THSD7A: variants seen among roughly 807,000 people sequenced by gnomAD.
THSD7A encodes the protein thrombospondin type 1 domain containing 7A, also known as thrombospondin type-1 domain-containing protein 7A.
A neutral mutation model predicts 231.3 loss-of-function variants in THSD7A; 96 were observed. The ratio of observed to expected loss-of-function variants is 0.41; its 90% CI spans 0.35 to 0.49. The LOEUF is 0.49. Among genes scored for constraint, THSD7A ranks in the 20% least tolerant of loss-of-function variants. The pLI is 0.05. For missense variants in THSD7A, 2,290 were observed against 2,070.2 expected (o/e 1.11, Z -2.06); for synonymous variants, 940 against 743.3 (o/e 1.26, Z -4.30).
chr7:11,420,919 C>A (rs1562596248), intron 16 of THSD7A, among the ~76,000 whole-genome samples: 1 of 152,100 alleles, frequency 6.6e-6, no homozygotes, highest in East Asian at 1.9e-4. Context: ...GGGTTTTGGA[C>A]TTGCATGGGG....
intron 4 of THSD7A, among the ~76,000 whole-genome samples, chr7:11,579,175 G>A (rs940587390): frequency 1.3e-5 from 2 of 152,054 alleles, no homozygotes; most frequent in Non-Finnish European, 2.9e-5. Flanking sequence ...ATTCTCCTTG[G>A]TTTATTTCCC....
At chr7:11,753,763 A>C (rs1782583809) in intron 1 of THSD7A, among the ~76,000 whole-genome samples, 1 of 151,974 alleles carries the variant, frequency 6.6e-6, no homozygotes, top group African/African-American at 2.4e-5. Flanking sequence ...CCTAGCACAA[A>C]CAATGCAATG....
chr7:11,591,066 C>T (rs1398952741), intron 3 of THSD7A, among the ~76,000 whole-genome samples: 1 of 151,968 alleles, frequency 6.6e-6, no homozygotes, highest in Non-Finnish European at 1.5e-5. Flanking sequence ...TAAATGAAAA[C>T]TGCACAGTGT....
At chr7:11,397,618 C>A (rs548391967) in intron 23 of THSD7A, among the ~76,000 whole-genome samples, 1 of 152,304 alleles carries the variant, frequency 6.6e-6, no homozygotes, top group East Asian at 1.9e-4. Context: ...AGTGAACAGG[C>A]AACCTGCTGA....
chr7:11,688,280 T>A (rs1281880171), intron 1 of THSD7A, among the ~76,000 whole-genome samples: 1 of 151,830 alleles, frequency 6.6e-6, no homozygotes, highest in Non-Finnish European at 1.5e-5. Flanking sequence ...TGTATATATG[T>A]GCCACATTCT....
chr7:11,561,424 A>G (rs1310681466), intron 4 of THSD7A, among the ~76,000 whole-genome samples: 1 of 152,180 alleles, frequency 6.6e-6, no homozygotes, highest in Non-Finnish European at 1.5e-5. Context: ...CTAGATACCA[A>G]TAACTACCTG....
intron 6 of THSD7A, among the ~76,000 whole-genome samples, chr7:11,492,245 C>T (rs1282141869): frequency 6.6e-6 from 1 of 151,974 alleles, no homozygotes; most frequent in African/African-American, 2.4e-5. Context: ...AAGGACTAGG[C>T]TAAAAACCAA....
At chr7:11,680,141 T>C (rs144813515) in intron 1 of THSD7A, among the ~76,000 whole-genome samples, 1 of 151,544 alleles carries the variant, frequency 6.6e-6, no homozygotes, top group African/African-American at 2.4e-5. Context: ...GAAAACTGGC[T>C]AGCCATATGC....
At chr7:11,437,570 T>C (rs1221605058) in intron 13 of THSD7A, among the ~76,000 whole-genome samples, 1 of 152,080 alleles carries the variant, frequency 6.6e-6, no homozygotes, top group Non-Finnish European at 1.5e-5. Flanking sequence ...TGCTATCAAA[T>C]GAGACACTGA....
intron 22 of THSD7A, among the ~76,000 whole-genome samples, chr7:11,404,233 A>G (rs758026526): frequency 1.3e-5 from 2 of 152,204 alleles, no homozygotes; most frequent in East Asian, 1.9e-4. Flanking sequence ...TCTGCACTGT[A>G]TCTCTGGCCT....
At chr7:11,543,912 G>T in intron 4 of THSD7A, among the ~76,000 whole-genome samples, 1 of 152,034 alleles carries the variant, frequency 6.6e-6, no homozygotes, top group East Asian at 1.9e-4. Flanking sequence ...AACTAAAAAT[G>T]ACTAAGTGAT....
intron 6 of THSD7A, among the ~76,000 whole-genome samples, chr7:11,500,138 A>G (rs1787270831): frequency 6.6e-6 from 1 of 152,190 alleles, no homozygotes; most frequent in South Asian, 2.1e-4. Context: ...GAAACTCTAT[A>G]AGCCAGAAGA....
chr7:11,822,529 G>C (rs1416945757), intron 1 of THSD7A, among the ~76,000 whole-genome samples: 1 of 151,968 alleles, frequency 6.6e-6, no homozygotes, highest in East Asian at 1.9e-4. Flanking sequence ...GGTGTCTTTT[G>C]ATATATTGAC....
chr7:11,651,917 T>C (rs527921481), intron 1 of THSD7A, among the ~76,000 whole-genome samples: 42 of 152,064 alleles, frequency 2.8e-4, no homozygotes, highest in African/African-American at 4.1e-4. Context: ...AACTGCAATA[T>C]AGTTTTAGCC....
chr7:11,414,817 G>A (rs900510978), intron 17 of THSD7A, among the ~76,000 whole-genome samples: 6 of 152,186 alleles, frequency 3.9e-5, no homozygotes, highest in Non-Finnish European at 7.3e-5. Flanking sequence ...TTGACATAAT[G>A]TGTATTATAT....
At chr7:11,555,738 A>G (rs181511420) in intron 4 of THSD7A, among the ~76,000 whole-genome samples, 30 of 150,550 alleles carry the variant, frequency 2.0e-4, no homozygotes, top group African/African-American at 7.1e-4. Flanking sequence ...TTTTGTTCAT[A>G]TATTTTGCAG....
At chr7:11,531,521 T>C (rs1314781312) in intron 6 of THSD7A, among the ~76,000 whole-genome samples, 1 of 152,176 alleles carries the variant, frequency 6.6e-6, no homozygotes, top group Non-Finnish European at 1.5e-5. Flanking sequence ...GTTCCTCAAA[T>C]AGTCCAAGCA....
Position 11,446,248 on chromosome 7 carries a change from G to C in THSD7A, c.2877C>G (p.Asp959Glu), listed in dbSNP as rs200933206. 10 of 1,613,384 alleles carry C rather than the reference G, an allele frequency of 6.2e-6. No individual in the cohort carries two copies. The highest frequency in any genetic ancestry group is 6.8e-6 in the Non-Finnish European group (8 of 1,179,562). Residue 959 changes from aspartate (D) to glutamate (E), a missense_variant, in exon 13 of 28, where the codon GAC becomes GAG. Coordinates refer to ENST00000423059, the MANE Select transcript of THSD7A (RefSeq NM_015204.3). The surrounding 1 kb of genome is among the most constrained non-coding windows in gnomAD (Gnocchi z 4.0). ...PLIETQYCPC[D>E]KYNAQPVGNW... Reference sequence around the variant, plus strand: ...TCCCCACAGGTTGTGCATTATATTTGTCACAAGGACAATACTGAGTCTCAA... The same window carrying C: ...TCCCCACAGGTTGTGCATTATATTTCTCACAAGGACAATACTGAGTCTCAA...
chr7:11,789,163 T>C (rs1490753748), intron 1 of THSD7A, among the ~76,000 whole-genome samples: 1 of 151,846 alleles, frequency 6.6e-6, no homozygotes, highest in East Asian at 1.9e-4. Flanking sequence ...GCAGAAGGAA[T>C]TGCAAAGTGG....
Sources: gnomAD v4.1 joint callset for allele counts (sites outside exome capture counted in the v4.1 genomes callset) on GRCh38, gnomAD v4.1.1 for gene constraint, Gnocchi (gnomAD v3.1) non-coding constraint, MANE v1.5 for transcripts, NCBI Gene and HGNC (gene_info 2026-07-23, HGNC 2026-07-21) for gene names.